Variants in TRPM2 observed in about 807,000 individuals in gnomAD.
TRPM2 encodes estrogen-responsive element-associated gene 1 protein.
In TRPM2, 161 loss-of-function variants were observed where a neutral mutation model predicts 174.0. That is an observed-to-expected ratio of 0.93 (90% CI 0.81 to 1.05). TRPM2 has a LOEUF of 1.05. Among genes scored for constraint, TRPM2 ranks in the 50% least tolerant of loss-of-function variants. The pLI, the probability that TRPM2 is intolerant of heterozygous loss-of-function variation, is 0.00. For synonymous variants in TRPM2, 954 were observed against 861.3 expected, an observed-to-expected ratio of 1.11 and a Z score of -1.88; for missense variants, 2,057 against 2,038.0, an observed-to-expected ratio of 1.01 and a Z score of -0.18.
intron 19 of TRPM2, among the ~76,000 whole-genome samples, chr21:44,411,953 T>A (rs2050121637): frequency 1.3e-5 from 2 of 152,220 alleles, no homozygotes; most frequent in East Asian, 3.8e-4. Flanking sequence ...TCCCACTTGG[T>A]CTTGGTGAAT....
In TRPM2 at chr21:44,397,836, G is replaced by C; in HGVS notation, c.2022G>C (p.Glu674Asp). Residue 674 changes from glutamate to aspartate, a missense_variant, in exon 13 of 32, where the codon GAG becomes GAC. Coordinates refer to ENST00000397928, the MANE Select transcript of TRPM2 (RefSeq NM_003307.4). The stretch of plus-strand genomic sequence containing the variant: ...AGGAGGACACGGACAGCTCGGAGGA[G>C]ATGCTGGCGCTGGCGGAGGAGTATG... ...KEEEDTDSSE[E>D]MLALAEEYEH... 6.2e-7 allele frequency: 1 copy of C among 1,607,826 alleles called. No individual in the cohort carries two copies. Among genetic ancestry groups the C allele is most frequent in the Non-Finnish European group, 8.5e-7 (1 of 1,177,514 alleles).
Position 44,435,750 on chromosome 21 carries a change from T to C in TRPM2, c.4061+533T>C, listed in dbSNP as rs1295897832. Among the ~76,000 whole-genome samples, 211 of 68,882 alleles carry C rather than the reference T, an allele frequency of 3.1e-3. 7 individuals are homozygous for C. Among genetic ancestry groups the C allele is most frequent in the African/African-American group, 0.014 (195 of 13,640 alleles). The allele number at this position is 68,882 out of a possible 152,430, so 45.2% of individuals were successfully genotyped here. On this transcript the variant is annotated intron_variant, in intron 28 of 31. Transcript: ENST00000397928. The stretch of plus-strand genomic sequence containing the variant: ...ACAGCCCCACACTCACCCCTCAGAC[T>C]CACTCTCCACACCCATCCATGGGGA...
Position 44,401,883 on chromosome 21 carries a change from G to A in TRPM2, c.2524G>A (p.Glu842Lys), listed in dbSNP as rs1476516465. The change falls in exon 16 of 32, where the codon GAG becomes AAG. Residue 842 changes from glutamate to lysine, a missense_variant. Physicochemically the swap from Glu to Lys is moderately conservative, Grantham distance 56 (BLOSUM62 1). Transcript: ENST00000397928. ...CCTCTGGCTCTTCTCCTTGGTGTGC[G>A]AGGAGATGCGGCAGGTACAGCCCCA... ...IYLWLFSLVC[E>K]EMRQLFYDPD... is the part of the protein sequence containing the mutation. 14 of 1,613,588 alleles carry A rather than the reference G, an allele frequency of 8.7e-6. No individual in the cohort carries two copies. The highest frequency in any genetic ancestry group is 1.6e-4 in the Middle Eastern group (1 of 6,084).
At chr21:44,417,522 T>C (rs2050344232) in intron 20 of TRPM2, among the ~76,000 whole-genome samples, 1 of 112,214 alleles carries the variant, frequency 8.9e-6, no homozygotes, top group Non-Finnish European at 1.8e-5. Context: ...CTGCTCTCTG[T>C]GGCATCATAG....
At chr21:44,406,911 T>G in intron 19 of TRPM2, 146 bp downstream of exon 19, 3 of 1,092,912 alleles carry the variant, frequency 2.7e-6, no homozygotes, top group Non-Finnish European at 3.8e-6. Flanking sequence ...CTGGGGGCAT[T>G]CATTCCCCAG....
chr21:44,355,962 C>T (rs2048046284), intron 2 of TRPM2, among the ~76,000 whole-genome samples: 1 of 151,466 alleles, frequency 6.6e-6, no homozygotes, highest in East Asian at 1.9e-4. Context: ...TATGTACATC[C>T]TTCAGCATAC....
upstream of TRPM2, among the ~76,000 whole-genome samples, chr21:44,350,823 G>A (rs2122996340): frequency 4.2e-4 from 63 of 151,552 alleles, no homozygotes; most frequent in African/African-American, 1.5e-3. Flanking sequence ...CCGCTGGAGC[G>A]ACCCTGTCCG....
chr21:44,412,365 C>T (rs1373714809), intron 19 of TRPM2, among the ~76,000 whole-genome samples: 1 of 152,140 alleles, frequency 6.6e-6, no homozygotes, highest in Non-Finnish European at 1.5e-5. Context: ...TCTAGATCAT[C>T]TAATTTTTTT....
rs1189748255 is a variant in TRPM2 at position 44,395,673 on chromosome 21, G to A, written c.1932+122G>A. 2.8e-5 allele frequency: 13 copies of A among 458,326 alleles called. 2 individuals carry two copies. The highest frequency in any genetic ancestry group is 1.4e-4 in the Admixed American group (3 of 20,794). The allele number at this position is 458,326 out of a possible 1,614,324, so 28.4% of individuals were successfully genotyped here. A position where few individuals can be genotyped will look rare whatever the true frequency, so the allele number is the denominator to read the frequency against. On this transcript the variant is annotated intron_variant, in intron 12 of 31. Coordinates refer to ENST00000397928, the MANE Select transcript of TRPM2 (RefSeq NM_003307.4). ...CAAGTGCACGTGGAGGCTGTGGAGG[G>A]GTGTGGAGGGGTGTGGAGGGCTGTG...
chr21:44,371,244 C>T (rs1178005267), intron 5 of TRPM2, among the ~76,000 whole-genome samples: 1 of 150,872 alleles, frequency 6.6e-6, no homozygotes, highest in African/African-American at 2.4e-5. Context: ...CGCCTCCCTC[C>T]AGTCTCTGCC....
chr21:44,375,044 T>C (rs1460420139), intron 5 of TRPM2, among the ~76,000 whole-genome samples: 1 of 152,166 alleles, frequency 6.6e-6, no homozygotes, highest in Non-Finnish European at 1.5e-5. Context: ...CCCAAGTAGC[T>C]GGGACTACAG....
intron 25 of TRPM2, among the ~76,000 whole-genome samples, chr21:44,426,169 G>T (rs1442394050): frequency 1.3e-5 from 2 of 151,648 alleles, no homozygotes; most frequent in Non-Finnish European, 2.9e-5. Context: ...ACCCACCCCG[G>T]TGAATGGCTC....
intron 11 of TRPM2, 37 bp from the exon 12 acceptor site, chr21:44,395,377 G>A (rs45440493): frequency 4.0e-5 from 64 of 1,606,856 alleles, no homozygotes; most frequent in Non-Finnish European, 4.4e-5. Context: ...TGAGCCAGGC[G>A]GCCCGGCTGG....
At chr21:44,428,169 G>A (rs114709510) in intron 27 of TRPM2, among the ~76,000 whole-genome samples, 1,890 of 152,238 alleles carry the variant, frequency 0.012, 38 homozygotes, top group African/African-American at 0.042. Flanking sequence ...CCTTAGGTGT[G>A]TTCTCTTTCT....
At position 44,425,839 on chromosome 21, in the gene TRPM2, C is replaced by T; in HGVS notation, c.3795+12C>T. On this transcript the variant is annotated intron_variant, in intron 25 of 31. Coordinates refer to ENST00000397928, the MANE Select transcript of TRPM2 (RefSeq NM_003307.4). ...AGGTGCCCTGGGAGGTGAGCGCCTG[C>T]CCAAGCCCAACCAGGCGGAGTGGCC... The T allele has an allele frequency of 6.4e-7, 1 of 1,551,404 alleles. No homozygotes were observed. Among genetic ancestry groups the T allele is most frequent in the Non-Finnish European group, 8.8e-7 (1 of 1,139,640 alleles).
In TRPM2 at chr21:44,382,466, C is replaced by T. The variant is rs150681105; in HGVS notation, c.1216-252C>T. ...GCAGCCTCGCATGAAGCTGCACTAT[C>T]GTCAGGGTGAAGATCCGTTGCCCTT... On this transcript the variant is annotated intron_variant, in intron 8 of 31. Transcript: ENST00000397928. Among the ~76,000 whole-genome samples, 60 of 152,310 alleles carry T rather than the reference C, an allele frequency of 3.9e-4. 1 individual carries two copies. The highest frequency in any genetic ancestry group is 1.3e-3 in the African/African-American group (53 of 41,562).
chr21:44,353,599 A>G, upstream of TRPM2: 2 of 1,345,842 alleles, frequency 1.5e-6, no homozygotes, highest in Non-Finnish European at 1.9e-6. Context: ...GATCTATTTC[A>G]GCAACCACCC....
chr21:44,392,950 G>C (rs2049229776), intron 11 of TRPM2, among the ~76,000 whole-genome samples: 1 of 152,080 alleles, frequency 6.6e-6, no homozygotes, highest in Non-Finnish European at 1.5e-5. Flanking sequence ...TGGGAGCCCT[G>C]CTCTAGTCTC....
chr21:44,394,845 T>G lies in TRPM2; in HGVS notation c.1795-569T>G, dbSNP rs566932356. Among the ~76,000 whole-genome samples, 25 of 152,116 alleles carry G rather than the reference T, an allele frequency of 1.6e-4. 1 individual carries two copies. The South Asian group carries it at 5.2e-3, about 32-fold the overall frequency. ...GTACAGTATGTGATGTGGGAGATGG[T>G]TTTTTTTCTACTTCTGGGGAGCGTT... is the stretch of plus-strand genomic sequence containing the variant. On this transcript the variant is annotated intron_variant, in intron 11 of 31. Coordinates refer to ENST00000397928, the MANE Select transcript of TRPM2 (RefSeq NM_003307.4).
Sources: gnomAD v4.1 joint callset for allele counts (sites outside exome capture counted in the v4.1 genomes callset) on GRCh38, gnomAD v4.1.1 for gene constraint, MANE v1.5 for transcripts, NCBI Gene and HGNC (gene_info 2026-07-23, HGNC 2026-07-21) for gene names.